The following SOX5 variants were observed in gnomAD, a reference collection of about 807,000 sequenced individuals.
SOX5 encodes the protein transcription factor SOX-5.
In SOX5, 9 loss-of-function variants were observed where a neutral mutation model predicts 92.0. The ratio of observed to expected loss-of-function variants is 0.10; its 90% CI spans 0.06 to 0.17. The LOEUF (loss-of-function observed/expected upper bound fraction) is 0.17, where lower values mean the gene tolerates loss of function less well. Ranked by LOEUF, SOX5 falls within the 10% of genes least tolerant of loss-of-function variation. The probability of loss-of-function intolerance (pLI) is 1.00; values close to 1 mark genes in which losing one functional copy is unlikely to be tolerated. For missense variants in SOX5, 642 were observed against 944.5 expected (o/e 0.68, Z 4.20); for synonymous variants, 344 against 336.3 (o/e 1.02, Z -0.25).
intron 4 of SOX5, among the ~76,000 whole-genome samples, chr12:24,053,554 C>CA (rs1223665779): frequency 6.6e-6 from 1 of 152,002 alleles, no homozygotes; most frequent in Non-Finnish European, 1.5e-5. Flanking sequence ...TAACTTTGCC[C>CA]AAAAAAATTT....
intron 4 of SOX5, among the ~76,000 whole-genome samples, chr12:24,204,206 T>C (rs968499122): frequency 6.6e-6 from 1 of 152,180 alleles, no homozygotes. Context: ...TTCTGTTTTC[T>C]TCAACTAGCC....
At chr12:24,439,318 CTGAT>C (rs1426156450) in intron 1 of SOX5, among the ~76,000 whole-genome samples, 4 of 152,250 alleles carry the variant, frequency 2.6e-5, no homozygotes, top group Admixed American at 6.5e-5. Context: ...TCTGTGTGAC[CTGAT>C]TGATTGTAAT....
intron 4 of SOX5, among the ~76,000 whole-genome samples, chr12:23,960,794 T>C (rs1470240991): frequency 6.6e-6 from 1 of 151,994 alleles, no homozygotes; most frequent in Non-Finnish European, 1.5e-5. Context: ...CTTTTGCTTA[T>C]GTGTGGGTAA....
At chr12:23,955,068 C>T (rs1946116434), upstream of SOX5, among the ~76,000 whole-genome samples, 1 of 151,914 alleles carries the variant, frequency 6.6e-6, no homozygotes, top group South Asian at 2.1e-4. Flanking sequence ...GAGGAAGTCC[C>T]AAAACTAGTA....
At chr12:24,008,108 T>C (rs1283560641) in intron 4 of SOX5, among the ~76,000 whole-genome samples, 2 of 152,096 alleles carry the variant, frequency 1.3e-5, no homozygotes, top group East Asian at 3.9e-4. Flanking sequence ...CTAAGATTGC[T>C]ATTTTTCTAG....
chr12:24,491,657 GA>G (rs942160652), intron 1 of SOX5, among the ~76,000 whole-genome samples: 1 of 151,980 alleles, frequency 6.6e-6, no homozygotes, highest in South Asian at 2.1e-4. Flanking sequence ...AAAATGAGGG[GA>G]AAAAGGAATG....
chr12:23,993,900 T>TATGTATGTATGC lies in SOX5; in HGVS notation c.-1-97877_-1-97876insGCATACATACAT, dbSNP rs746220617. On this transcript the variant is annotated intron_variant, in intron 4 of 4. Transcript: ENST00000446891. ...GTATGTATGTATGTATGTATGTATG[T>TATGTATGTATGC]ATGTATGTATGTATGCATGTATGCA... 5.6e-3 allele frequency among the ~76,000 whole-genome samples: 824 copies of TATGTATGTATGC among 146,688 alleles called. 5 individuals carry two copies. The highest frequency in any genetic ancestry group is 0.01 in the Non-Finnish European group (657 of 65,530).
Position 23,755,585 on chromosome 12 carries a change from A to G in SOX5, c.568+53T>C, listed in dbSNP as rs1045248904. 8.7e-6 allele frequency: 11 copies of G among 1,269,388 alleles called. No homozygotes were observed. In the African/African-American group the frequency reaches 1.5e-4, roughly 18 times the overall value. The allele number at this position is 1,269,388 out of a possible 1,614,324, so 78.6% of individuals were successfully genotyped here. A position where few individuals can be genotyped will look rare whatever the true frequency, so the allele number is the denominator to read the frequency against. On this transcript the variant is annotated intron_variant, in intron 4 of 14. Coordinates refer to ENST00000451604, the MANE Select transcript of SOX5 (RefSeq NM_006940.6). ...TACTTTATCACCATTACTATTTCTGAATATCAACTTCATTTTGGTACATTT... is the reference window on the plus strand; with the variant it reads ...TACTTTATCACCATTACTATTTCTGGATATCAACTTCATTTTGGTACATTT...
At chr12:23,966,487 C>T (rs1947599916) in intron 4 of SOX5, among the ~76,000 whole-genome samples, 1 of 152,026 alleles carries the variant, frequency 6.6e-6, no homozygotes, top group Non-Finnish European at 1.5e-5. Flanking sequence ...ATATATTGAA[C>T]TGCCCAGTAC....
At chr12:24,490,244 G>T (rs139861364) in intron 1 of SOX5, among the ~76,000 whole-genome samples, 191 of 152,274 alleles carry the variant, frequency 1.3e-3, no homozygotes, top group African/African-American at 4.2e-3. Context: ...ATGGCACCTA[G>T]AACAGATTCA....
intron 4 of SOX5, among the ~76,000 whole-genome samples, chr12:24,028,034 T>C (rs1955073528): frequency 6.6e-6 from 1 of 151,984 alleles, no homozygotes; most frequent in African/African-American, 2.4e-5. Flanking sequence ...TCATGCTTTC[T>C]CTCACTTCCA....
chr12:23,855,779 T>C (rs927806113), intron 2 of SOX5, among the ~76,000 whole-genome samples: 1 of 152,156 alleles, frequency 6.6e-6, no homozygotes, highest in African/African-American at 2.4e-5. Flanking sequence ...AGGGAATTTC[T>C]CTGAGAATTA....
At chr12:24,366,993 T>C (rs1956239402) in intron 2 of SOX5, among the ~76,000 whole-genome samples, 2 of 152,152 alleles carry the variant, frequency 1.3e-5, no homozygotes, top group Admixed American at 1.3e-4. Context: ...AATAGCCATG[T>C]AGTTAAGTTT....
At chr12:23,696,831 A>C (rs1313063386) in intron 6 of SOX5, among the ~76,000 whole-genome samples, 2 of 152,032 alleles carry the variant, frequency 1.3e-5, no homozygotes, top group East Asian at 1.9e-4. Context: ...CATTTTCCTT[A>C]TGGCTTCTTC....
chr12:23,937,673 T>G, intron 1 of SOX5, among the ~76,000 whole-genome samples: 1 of 151,022 alleles, frequency 6.6e-6, no homozygotes, highest in Non-Finnish European at 1.5e-5. Flanking sequence ...TTATTTAATA[T>G]CCTGAGGCAG....
At chr12:23,593,700 A>G (rs1951905749) in intron 9 of SOX5, among the ~76,000 whole-genome samples, 1 of 152,144 alleles carries the variant, frequency 6.6e-6, no homozygotes. Flanking sequence ...TTTTTTTACC[A>G]AGAAAATAAC....
At chr12:23,878,947 A>G (rs1198560527) in intron 2 of SOX5, among the ~76,000 whole-genome samples, 2 of 152,026 alleles carry the variant, frequency 1.3e-5, no homozygotes, top group Non-Finnish European at 2.9e-5. Context: ...TTTAGCTCTG[A>G]GTTAGGGGGT....
intron 4 of SOX5, among the ~76,000 whole-genome samples, chr12:24,043,279 G>T (rs1394133293): frequency 6.6e-6 from 1 of 152,198 alleles, no homozygotes; most frequent in East Asian, 1.9e-4. Context: ...ATATCGGAAA[G>T]CAAGAGACTA....
intron 3 of SOX5, among the ~76,000 whole-genome samples, chr12:24,223,996 C>T (rs1191206975): frequency 6.6e-6 from 1 of 152,088 alleles, no homozygotes; most frequent in Non-Finnish European, 1.5e-5. Context: ...CAAAGGTGGT[C>T]GCATGAACTA....
Sources: allele counts gnomAD v4.1 joint callset (sites outside exome capture counted in the v4.1 genomes callset), GRCh38; gene constraint gnomAD v4.1.1; transcripts MANE v1.5; gene names NCBI Gene and HGNC (gene_info 2026-07-23, HGNC 2026-07-21).